The following FAR1 variants were observed in gnomAD, a reference collection of about 807,000 sequenced individuals.
FAR1 encodes fatty acyl-CoA reductase 1.
A neutral mutation model predicts 61.1 loss-of-function variants in FAR1; 22 were observed. The ratio of observed to expected loss-of-function variants is 0.36; its 90% CI spans 0.26 to 0.51. The LOEUF (loss-of-function observed/expected upper bound fraction) is 0.51, where lower values mean the gene tolerates loss of function less well. Among genes scored for constraint, FAR1 ranks in the 20% least tolerant of loss-of-function variants. The pLI, the probability that FAR1 is intolerant of heterozygous loss-of-function variation, is 0.95. For synonymous variants in FAR1, 206 were observed against 209.7 expected, an observed-to-expected ratio of 0.98 and a Z score of 0.15; for missense variants, 359 against 626.9, an observed-to-expected ratio of 0.57 and a Z score of 4.56.
Position 13,697,323 on chromosome 11 carries a change from G to A in FAR1, c.189+2369G>A, listed in dbSNP as rs150313302. Among the ~76,000 whole-genome samples the A allele has an allele frequency of 6.1e-3, 925 of 152,144 alleles. 11 individuals are homozygous for A. The highest frequency in any genetic ancestry group is 0.021 in the African/African-American group (887 of 41,510). ...TAAAAAATACAAAAATTAGCCGGGCGTGGTGGTGCATGCCTGTGGTCCCAG... is the reference window on the plus strand; with the variant it reads ...TAAAAAATACAAAAATTAGCCGGGCATGGTGGTGCATGCCTGTGGTCCCAG... On this transcript the variant is annotated intron_variant, in intron 2 of 11. Transcript: ENST00000354817.
intron 10 of FAR1, among the ~76,000 whole-genome samples, chr11:13,724,645 C>G (rs539503664): frequency 5.1e-4 from 77 of 150,362 alleles, no homozygotes; most frequent in African/African-American, 1.8e-3. Context: ...TCTCTTCCCA[C>G]TTACTTTTTT....
intron 3 of FAR1, among the ~76,000 whole-genome samples, chr11:13,705,286 A>G (rs552856676): frequency 2.0e-5 from 3 of 152,220 alleles, no homozygotes; most frequent in African/African-American, 7.2e-5. Context: ...TCTGAAGGTC[A>G]ATGGAGTAGA....
At chr11:13,711,052 G>A (rs936874476) in intron 5 of FAR1, 182 bp downstream of exon 5, 5 of 558,538 alleles carry the variant, frequency 9.0e-6, no homozygotes, top group African/African-American at 3.9e-5. Context: ...ATAATGTGAC[G>A]CTGGGTATAT....
chr11:13,679,930 A>C (rs772372717), intron 1 of FAR1, among the ~76,000 whole-genome samples: 1 of 152,150 alleles, frequency 6.6e-6, no homozygotes, highest in Non-Finnish European at 1.5e-5. Flanking sequence ...TACTACCGAG[A>C]AGTGCCTTGG....
At chr11:13,703,466 T>C (rs1424807779) in intron 3 of FAR1, among the ~76,000 whole-genome samples, 1 of 152,212 alleles carries the variant, frequency 6.6e-6, no homozygotes, top group Non-Finnish European at 1.5e-5. Flanking sequence ...GGGGAAGTTT[T>C]CAGATGTTAC....
rs1442576435 is a variant in FAR1, at chr11:13,721,673, T to C, written c.1128-57T>C. 2.7e-6 allele frequency: 4 copies of C among 1,509,430 alleles called. No homozygotes were observed. The African/African-American group carries it at 4.2e-5, about 16-fold the overall frequency. 93.5% of individuals were successfully genotyped at this position (1,509,430 alleles called of 1,614,324 possible). The stretch of plus-strand genomic sequence containing the variant: ...GGGAAACTTGCACCCTGGGTGGTGA[T>C]AGGATTTTTCCTAATCTATACAAAA... On this transcript the variant is annotated intron_variant, in intron 9 of 11. Coordinates refer to ENST00000354817, the MANE Select transcript of FAR1 (RefSeq NM_032228.6). This position sits in a 1 kb window ranked among gnomAD's most constrained non-coding sequence, Gnocchi z 4.2.
intron 3 of FAR1, among the ~76,000 whole-genome samples, chr11:13,704,016 C>T (rs1289249861): frequency 1.4e-5 from 2 of 147,058 alleles, no homozygotes; most frequent in Non-Finnish European, 1.5e-5. Flanking sequence ...TGCACTCCAG[C>T]CTGGGCGACA....
At position 13,729,100 on chromosome 11, in the gene FAR1, T is replaced by G. The variant is rs1221297841; in HGVS notation, c.*326T>G. On this transcript the variant is annotated 3_prime_UTR_variant, in exon 12 of 12. Coordinates refer to ENST00000354817, the MANE Select transcript of FAR1 (RefSeq NM_032228.6). ...TATAACTGTGCAATTCTGGAACATA[T>G]TAATTAAAATAATATGCCTTAACAT... The G allele has an allele frequency of 5.7e-6, 1 of 174,034 alleles. No homozygotes were observed. Among genetic ancestry groups the G allele is most frequent in the African/African-American group, 2.4e-5 (1 of 42,168 alleles). 10.8% of individuals were successfully genotyped at this position (174,034 alleles called of 1,614,324 possible).
rs528639459 is a variant in FAR1 at position 13,695,922 on chromosome 11, T to C, written c.189+968T>C. ...GGATGTAAGATTCTTTCTTAGAAGT[T>C]TAAAAATTATTATTATACTTTTAAA... On this transcript the variant is annotated intron_variant, in intron 2 of 11. Transcript: ENST00000354817. Among the ~76,000 whole-genome samples, 203 of 152,306 alleles carry C rather than the reference T, an allele frequency of 1.3e-3. 1 individual carries two copies. Among genetic ancestry groups the C allele is most frequent in the African/African-American group, 4.6e-3 (192 of 41,582 alleles).
chr11:13,672,912 T>G (rs2134164809), intron 1 of FAR1, among the ~76,000 whole-genome samples: 2 of 152,348 alleles, frequency 1.3e-5, no homozygotes, highest in East Asian at 1.9e-4. Flanking sequence ...AACAAACCAC[T>G]GATAGAATTG....
At chr11:13,687,918 G>T (rs539024669) in intron 1 of FAR1, among the ~76,000 whole-genome samples, 1 of 130,128 alleles carries the variant, frequency 7.7e-6, no homozygotes, top group African/African-American at 2.9e-5. Flanking sequence ...ATGGACACAG[G>T]AAGGGGAACA....
At chr11:13,718,390 C>G (rs1462328084) in intron 9 of FAR1, among the ~76,000 whole-genome samples, 1 of 152,144 alleles carries the variant, frequency 6.6e-6, no homozygotes, top group Non-Finnish European at 1.5e-5. Flanking sequence ...TTTATTAGTA[C>G]ACTTTCTATA....
intron 4 of FAR1, among the ~76,000 whole-genome samples, chr11:13,710,069 T>C (rs79584990): frequency 0.039 from 5,956 of 152,216 alleles, 129 homozygotes; most frequent in Admixed American, 0.041. Flanking sequence ...TTATTTTTAT[T>C]GTTCATCATA....
Position 13,708,441 on chromosome 11 carries a change from G to GCACA in FAR1, c.545+363_545+364insACAC, listed in dbSNP as rs1216592767. Reference sequence around the variant, plus strand: ...CCCCACCCCATATACATGTGCGCGCGCGCGCGCACACACACACACACACAC... The same window carrying GCACA: ...CCCCACCCCATATACATGTGCGCGCGCACACGCGCGCACACACACACACACACAC... On this transcript the variant is annotated intron_variant, in intron 4 of 11. Coordinates refer to ENST00000354817, the MANE Select transcript of FAR1 (RefSeq NM_032228.6). Among the ~76,000 whole-genome samples, 2 of 79,862 alleles carry GCACA rather than the reference G, an allele frequency of 2.5e-5. 1 individual carries two copies. The highest frequency in any genetic ancestry group is 9.0e-4 in the South Asian group (2 of 2,214). The allele number at this position is 79,862 out of a possible 152,430, so 52.4% of individuals were successfully genotyped here.
chr11:13,679,383 A>C (rs1020567549), intron 1 of FAR1, among the ~76,000 whole-genome samples: 16 of 152,282 alleles, frequency 1.1e-4, no homozygotes, highest in Admixed American at 9.8e-4. Context: ...TTCTTCCCCT[A>C]GAAGGAAATT....
intron 1 of FAR1, among the ~76,000 whole-genome samples, chr11:13,683,830 T>G (rs1168942061): frequency 6.6e-6 from 1 of 152,224 alleles, no homozygotes; most frequent in Non-Finnish European, 1.5e-5. Flanking sequence ...GGTTAGATAT[T>G]CAATTTGAGA....
intron 9 of FAR1, among the ~76,000 whole-genome samples, chr11:13,715,063 C>T (rs968877937): frequency 5.3e-5 from 8 of 152,072 alleles, no homozygotes; most frequent in African/African-American, 9.7e-5. Context: ...AACAGCCTAT[C>T]GCATCATTAT....
chr11:13,680,570 C>T (rs1367500589), intron 1 of FAR1, among the ~76,000 whole-genome samples: 2 of 152,194 alleles, frequency 1.3e-5, no homozygotes, highest in African/African-American at 4.8e-5. Flanking sequence ...GAGGCTTCCA[C>T]TCCTGGTGTA....
chr11:13,689,137 T>C (rs748391012), intron 1 of FAR1, among the ~76,000 whole-genome samples: 2 of 152,226 alleles, frequency 1.3e-5, no homozygotes, highest in Non-Finnish European at 2.9e-5. Flanking sequence ...CTAGGACATA[T>C]GATCCCTGTT....
Sources: gnomAD v4.1 joint callset for allele counts (sites outside exome capture counted in the v4.1 genomes callset) on GRCh38, gnomAD v4.1.1 for gene constraint, Gnocchi (gnomAD v3.1) non-coding constraint, MANE v1.5 for transcripts, NCBI Gene and HGNC (gene_info 2026-07-23, HGNC 2026-07-21) for gene names.